ARHGAP28: variants seen among roughly 807,000 people sequenced by gnomAD.
The protein encoded by ARHGAP28 is rho GTPase-activating protein 28.
A neutral mutation model predicts 90.7 loss-of-function variants in ARHGAP28; 56 were observed. The ratio of observed to expected loss-of-function variants is 0.62; its 90% confidence interval spans 0.50 to 0.77. ARHGAP28 has a LOEUF of 0.77. Ranked by LOEUF, ARHGAP28 falls within the 30% of genes least tolerant of loss-of-function variation. ARHGAP28 has a pLI of 0.00. For missense variants in ARHGAP28, 869 were observed against 900.9 expected, an observed-to-expected ratio of 0.96 and a Z score of 0.45; for synonymous variants, 308 against 323.3, an observed-to-expected ratio of 0.95 and a Z score of 0.51.
intron 1 of ARHGAP28, among the ~76,000 whole-genome samples, chr18:6,808,269 T>C (rs1489251530): frequency 6.6e-6 from 1 of 152,210 alleles, no homozygotes. Flanking sequence ...ATATTGTATT[T>C]TTTATGTATA....
At chr18:6,898,591 T>G in intron 16 of ARHGAP28, 1 of 1,597,626 alleles carries the variant, frequency 6.3e-7, no homozygotes, top group Non-Finnish European at 8.5e-7. Context: ...ATATAGAGAC[T>G]TGAAATATCA....
intron 16 of ARHGAP28, among the ~76,000 whole-genome samples, chr18:6,904,074 G>C (rs1362931019): frequency 6.6e-6 from 1 of 151,988 alleles, no homozygotes; most frequent in East Asian, 1.9e-4. Flanking sequence ...AAAATACCTA[G>C]AATGAAAGTA....
chr18:6,902,294 C>G (rs1367284903), intron 16 of ARHGAP28, among the ~76,000 whole-genome samples: 4 of 151,990 alleles, frequency 2.6e-5, no homozygotes, highest in African/African-American at 9.7e-5. Context: ...AACAAATGTA[C>G]TATATTAATA....
At chr18:6,874,155 T>C (rs1376547722) in intron 9 of ARHGAP28, among the ~76,000 whole-genome samples, 1 of 152,212 alleles carries the variant, frequency 6.6e-6, no homozygotes, top group Admixed American at 6.5e-5. Context: ...GACCATTAAT[T>C]ATTACCAATG....
chr18:6,825,827 G>T (rs753630205), intron 2 of ARHGAP28, among the ~76,000 whole-genome samples: 2 of 152,106 alleles, frequency 1.3e-5, no homozygotes, highest in Non-Finnish European at 2.9e-5. Flanking sequence ...TCTTGTATAT[G>T]TATCACATTT....
intron 1 of ARHGAP28, among the ~76,000 whole-genome samples, chr18:6,813,748 A>G (rs1446502393): frequency 2.0e-5 from 3 of 151,704 alleles, no homozygotes; most frequent in Non-Finnish European, 4.4e-5. Flanking sequence ...CAGGAGACCA[A>G]ATTTGTAGTT....
intron 7 of ARHGAP28, among the ~76,000 whole-genome samples, chr18:6,871,618 C>T (rs1339218668): frequency 6.6e-6 from 1 of 152,176 alleles, no homozygotes; most frequent in Non-Finnish European, 1.5e-5. Flanking sequence ...GTCTGTTTGC[C>T]ATTCAACCAA....
intron 1 of ARHGAP28, among the ~76,000 whole-genome samples, chr18:6,819,593 T>C (rs1253896209): frequency 6.6e-6 from 1 of 152,172 alleles, no homozygotes; most frequent in Non-Finnish European, 1.5e-5. Context: ...GCACAAGAGA[T>C]TGGAATTTGT....
intron 16 of ARHGAP28, among the ~76,000 whole-genome samples, chr18:6,905,307 A>G (rs1032425974): frequency 1.3e-5 from 2 of 152,114 alleles, no homozygotes; most frequent in African/African-American, 2.4e-5. Flanking sequence ...AACAGGAGAA[A>G]CCATAGAGTC....
At chr18:6,786,939 C>CG (rs916030169) in intron 1 of ARHGAP28, among the ~76,000 whole-genome samples, 2 of 151,928 alleles carry the variant, frequency 1.3e-5, no homozygotes, top group African/African-American at 2.4e-5. Context: ...GAAGTTGGGG[C>CG]CGCGCGCGGT....
At position 6,849,822 on chromosome 18, in the gene ARHGAP28, C is replaced by CT. The variant is rs1411441352; in HGVS notation, c.544-1203dup. ...ACTGAATATCATTAGGATATGAAAT[C>CT]TTTTTTTTTCCATCATCATCAGCAC... is the stretch of plus-strand genomic sequence containing the variant. On this transcript the variant is annotated intron_variant, in intron 3 of 17. Coordinates refer to ENST00000383472, the MANE Select transcript of ARHGAP28 (RefSeq NM_001366230.1). Among the ~76,000 whole-genome samples, 7 of 151,520 alleles carry CT rather than the reference C, an allele frequency of 4.6e-5. No individual in the cohort carries two copies. In the Middle Eastern group the frequency reaches 0.01, roughly 222 times the overall value.
chr18:6,751,162 C>G (rs1366417560), intron 1 of ARHGAP28, among the ~76,000 whole-genome samples: 1 of 151,942 alleles, frequency 6.6e-6, no homozygotes. Flanking sequence ...AATTGAAAAA[C>G]AAAATAACTG....
chr18:6,771,089 T>G (rs1336681983), intron 1 of ARHGAP28, among the ~76,000 whole-genome samples: 1 of 152,096 alleles, frequency 6.6e-6, no homozygotes, highest in African/African-American at 2.4e-5. Flanking sequence ...CAGCCTGGAG[T>G]GCAGTGGTAT....
rs149445304 is a variant in ARHGAP28 at position 6,911,558 on chromosome 18, C to T, written c.2096-502C>T. Among the ~76,000 whole-genome samples the T allele has an allele frequency of 2.2e-3, 329 of 152,224 alleles. 2 individuals carry two copies. The highest frequency in any genetic ancestry group is 7.4e-3 in the African/African-American group (308 of 41,518). On this transcript the variant is annotated intron_variant, in intron 17 of 17. Transcript: ENST00000383472. ...TCAAGTGATTCTCCTGCCTCAGCCT[C>T]CCCAGTAGCTGGAATTACAGGCGCC...
At chr18:6,866,269 C>T (rs947168315) in intron 5 of ARHGAP28, among the ~76,000 whole-genome samples, 8 of 152,108 alleles carry the variant, frequency 5.3e-5, no homozygotes, top group Non-Finnish European at 1.2e-4. Context: ...CTTTCAAAAC[C>T]TTCCATAATT....
intron 1 of ARHGAP28, among the ~76,000 whole-genome samples, chr18:6,815,233 G>A (rs543751003): frequency 3.3e-5 from 5 of 152,152 alleles, no homozygotes; most frequent in Non-Finnish European, 5.9e-5. Context: ...CTGTCATTAC[G>A]TGGATGATTA....
At chr18:6,842,358 G>A (rs558920056) in intron 3 of ARHGAP28, among the ~76,000 whole-genome samples, 1 of 152,152 alleles carries the variant, frequency 6.6e-6, no homozygotes, top group Non-Finnish European at 1.5e-5. Context: ...CAGAATGATA[G>A]ATCCTGTCTC....
At chr18:6,803,777 T>G (rs2056499275) in intron 1 of ARHGAP28, among the ~76,000 whole-genome samples, 1 of 151,924 alleles carries the variant, frequency 6.6e-6, no homozygotes, top group African/African-American at 2.4e-5. Flanking sequence ...TTATTTTTAT[T>G]TTTATTTATT....
At chr18:6,773,394 G>C (rs977322434) in intron 1 of ARHGAP28, among the ~76,000 whole-genome samples, 4 of 152,218 alleles carry the variant, frequency 2.6e-5, no homozygotes, top group African/African-American at 9.7e-5. Context: ...TGGGAAATCA[G>C]ATAATGTGGT....
Sources: gnomAD v4.1 joint callset for allele counts (sites outside exome capture counted in the v4.1 genomes callset) on GRCh38, gnomAD v4.1.1 for gene constraint, MANE v1.5 for transcripts, NCBI Gene and HGNC (gene_info 2026-07-23, HGNC 2026-07-21) for gene names.